IFT140: variants seen among roughly 807,000 people sequenced by gnomAD.
IFT140 encodes intraflagellar transport protein 140 homolog.
Under a neutral mutation model 164.6 loss-of-function variants are expected in IFT140, and 133 were observed. The ratio of observed to expected loss-of-function variants is 0.81; its 90% confidence interval spans 0.70 to 0.93. The LOEUF (loss-of-function observed/expected upper bound fraction) is 0.93, where lower values mean the gene tolerates loss of function less well. IFT140 is among the 40% of genes least tolerant of loss of function. The probability of loss-of-function intolerance (pLI) is 0.00; values close to 1 mark genes in which losing one functional copy is unlikely to be tolerated. For missense variants in IFT140, 2,045 were observed against 1,972.3 expected, an observed-to-expected ratio of 1.04 and a Z score of -0.70; for synonymous variants, 860 against 817.3, an observed-to-expected ratio of 1.05 and a Z score of -0.89.
chr16:1,517,350 CAAA>C (rs1331940278), intron 30 of IFT140, among the ~76,000 whole-genome samples: 3 of 60,156 alleles, frequency 5.0e-5, no homozygotes, highest in Non-Finnish European at 6.1e-5. Context: ...ACTCCGTCTC[CAAA>C]AAAAAAAAAA....
At position 1,523,809 on chromosome 16, in the gene IFT140, A is replaced by G. The variant is rs2745176; in HGVS notation, c.3270+19T>C. 1,541,485 of 1,610,754 alleles carry G rather than the reference A, an allele frequency of 0.96. 737,835 individuals carry two copies. The highest frequency in any genetic ancestry group is 1 in the East Asian group (44,842 of 44,846). ...CTTGCTGCCCCTCCCCCAGGTCCCCACCGGTGGCCAGCCCTCACCTTGTGG... is the reference window on the plus strand; with the variant it reads ...CTTGCTGCCCCTCCCCCAGGTCCCCGCCGGTGGCCAGCCCTCACCTTGTGG... On this transcript the variant is annotated intron_variant, in intron 25 of 30. Coordinates refer to ENST00000426508, the MANE Select transcript of IFT140 (RefSeq NM_014714.4).
At chr16:1,587,106 T>C (rs1484616847) in intron 9 of IFT140, 92 bp downstream of exon 9, 3 of 812,374 alleles carry the variant, frequency 3.7e-6, no homozygotes, top group Non-Finnish European at 6.4e-6. Context: ...ATTGTGTGAG[T>C]AGCCTCCACG....
intron 19 of IFT140, among the ~76,000 whole-genome samples, chr16:1,527,575 GT>G (rs1443915675): frequency 1.3e-5 from 2 of 152,138 alleles, no homozygotes; most frequent in East Asian, 1.9e-4. Context: ...GCCTCTTAGG[GT>G]TTTTTTGTTG....
At chr16:1,544,745 T>C (rs2032004345) in intron 19 of IFT140, among the ~76,000 whole-genome samples, 2 of 151,740 alleles carry the variant, frequency 1.3e-5, no homozygotes, top group South Asian at 4.2e-4. Context: ...GCCTCCCGGG[T>C]TCACGCCATT....
In IFT140 at chr16:1,553,759, C is replaced by CA. The variant is rs1198753310; in HGVS notation, c.2399+4175dup. 9 of 1,170,998 alleles carry CA rather than the reference C, an allele frequency of 7.7e-6. No homozygotes were observed. Among genetic ancestry groups the CA allele is most frequent in the Non-Finnish European group, 9.7e-6 (9 of 932,228 alleles). 72.5% of individuals were successfully genotyped at this position (1,170,998 alleles called of 1,614,324 possible). On this transcript the variant is annotated intron_variant, in intron 19 of 30. Coordinates refer to ENST00000426508, the MANE Select transcript of IFT140 (RefSeq NM_014714.4). This position sits in a 1 kb window ranked among gnomAD's most constrained non-coding sequence, Gnocchi z 4.4. ...CATGGCTGTAGGGGATGAGGAGGGG[C>CA]AGGGCCATGTGGACAGCCTCTCCTC... is the stretch of plus-strand genomic sequence containing the variant.
In IFT140 at chr16:1,587,229, A is replaced by T. The variant is rs1333886853; in HGVS notation, c.978T>A (p.Asn326Lys). 1 of 1,611,688 alleles carries T rather than the reference A, an allele frequency of 6.2e-7. No individual in the cohort carries two copies. The highest frequency in any genetic ancestry group is 8.5e-7 in the Non-Finnish European group (1 of 1,177,790). The part of the protein sequence containing the change: ...DEKFGFEKGE[N>K]MNCVCYCKVK... ...CTTTACAGTAACACACACAGTTCATATTCTCTCCTTTCTCAAAGCCAAACT... is the reference window on the plus strand; with the variant it reads ...CTTTACAGTAACACACACAGTTCATTTTCTCTCCTTTCTCAAAGCCAAACT... Residue 326 changes from asparagine (N) to lysine (K), a missense_variant, in exon 9 of 31, where the codon AAT (asparagine) becomes AAA (lysine). Transcript: ENST00000426508.
At chr16:1,554,018 C>T in intron 19 of IFT140, 1 of 1,287,248 alleles carries the variant, frequency 7.8e-7, no homozygotes, top group Non-Finnish European at 1.0e-6. Flanking sequence ...CACGGCCCAC[C>T]TCTCCTTCTC....
rs532096063 is a variant in IFT140, at chr16:1,513,906, C to G, written c.4183-2756G>C. ...GCCAAGATGGTCTCCATCTCCTGAC[C>G]TCATGATCTGCCCGCCTTGGCCTCC... On this transcript the variant is annotated intron_variant, in intron 30 of 30. Coordinates refer to ENST00000426508, the MANE Select transcript of IFT140 (RefSeq NM_014714.4). Among the ~76,000 whole-genome samples, 57 of 146,530 alleles carry G rather than the reference C, an allele frequency of 3.9e-4. 1 individual carries two copies. The highest frequency in any genetic ancestry group is 1.4e-3 in the African/African-American group (55 of 39,130).
At chr16:1,568,439 G>A (rs1054703647) in intron 14 of IFT140, 105 bp from the exon 15 acceptor site, 10 of 921,166 alleles carry the variant, frequency 1.1e-5, no homozygotes, top group Non-Finnish European at 1.7e-5. Flanking sequence ...ACAGCTCTTA[G>A]GCTGCTTCTC....
intron 19 of IFT140, among the ~76,000 whole-genome samples, chr16:1,528,132 G>A (rs981789886): frequency 2.0e-5 from 3 of 152,112 alleles, no homozygotes; most frequent in Non-Finnish European, 4.4e-5. Context: ...CCTTGGGGCC[G>A]GGCTGGCCTG....
intron 19 of IFT140, among the ~76,000 whole-genome samples, chr16:1,544,712 G>C (rs1439170534): frequency 6.6e-6 from 1 of 150,586 alleles, no homozygotes; most frequent in Non-Finnish European, 1.5e-5. Context: ...GCAGTGGCGC[G>C]ATCTCGGCTC....
At chr16:1,520,868 C>T (rs911935215) in intron 26 of IFT140, 60 bp from the exon 27 acceptor site, 1 of 1,482,654 alleles carries the variant, frequency 6.7e-7, no homozygotes, top group South Asian at 1.2e-5. Flanking sequence ...AAGTGCGCCC[C>T]TCATCTGCCA....
chr16:1,520,530 G>C, intron 27 of IFT140, 72 bp downstream of exon 27: 1 of 1,462,542 alleles, frequency 6.8e-7, no homozygotes, highest in South Asian at 1.3e-5. Context: ...AAGGCAAATG[G>C]AGATGCGTGC....
At position 1,533,872 on chromosome 16, in the gene IFT140, G is replaced by A; in HGVS notation, c.2400-7076C>T. On this transcript the variant is annotated intron_variant, in intron 19 of 30. Coordinates refer to ENST00000426508, the MANE Select transcript of IFT140 (RefSeq NM_014714.4). The surrounding 1 kb of genome is among the most constrained non-coding windows in gnomAD (Gnocchi z 4.7). ...ACAGCAGGCCGGTGCTAAGGAGTGT[G>A]GCGCGGGCTCGACTCCCACTGCTGC... is the stretch of plus-strand genomic sequence containing the variant. 1 of 277,074 alleles carries A rather than the reference G, an allele frequency of 3.6e-6. No homozygotes were observed. The highest frequency in any genetic ancestry group is 3.6e-5 in the South Asian group (1 of 27,772). 17.2% of individuals were successfully genotyped at this position (277,074 alleles called of 1,614,324 possible). A position where few individuals can be genotyped will look rare whatever the true frequency, so the allele number is the denominator to read the frequency against.
Position 1,510,949 on chromosome 16 carries a change from G to T in IFT140, c.4384C>A (p.Pro1462Thr), listed in dbSNP as rs1567312681. 2 of 1,611,076 alleles carry T rather than the reference G, an allele frequency of 1.2e-6. No individual in the cohort carries two copies. Among genetic ancestry groups the T allele is most frequent in the Admixed American group, 3.3e-5 (2 of 59,848 alleles). ...GGTCCTGGGGCCCAGGCCCCTCAGG[G>T]GTCGTCATCTGCCTCTTCCACCACC... Reference protein sequence around the residue: ...EEVVEEADDDP With the variant: ...EEVVEEADDDT The change falls in exon 31 of 31, where the codon CCC becomes ACC. Residue 1462 changes from proline (P) to threonine (T), a missense_variant. Pro to Thr is a conservative substitution (Grantham distance 38, BLOSUM62 -1). Coordinates refer to ENST00000426508, the MANE Select transcript of IFT140 (RefSeq NM_014714.4).
chr16:1,538,007 G>T (rs1471997864), intron 19 of IFT140, among the ~76,000 whole-genome samples: 1 of 152,230 alleles, frequency 6.6e-6, no homozygotes, highest in Non-Finnish European at 1.5e-5. Context: ...AAAGTCAGCT[G>T]CTACCACGCA....
At chr16:1,600,270 T>C (rs1419632090) in intron 4 of IFT140, among the ~76,000 whole-genome samples, 1 of 143,050 alleles carries the variant, frequency 7.0e-6, no homozygotes, top group Non-Finnish European at 1.5e-5. Context: ...TCGTTAAGAG[T>C]CATCACCAAT....
intron 19 of IFT140, chr16:1,534,297 G>T: frequency 6.2e-7 from 1 of 1,612,404 alleles, no homozygotes; most frequent in Middle Eastern, 1.7e-4. Context: ...GAGACTCGTG[G>T]CCGCGGCCGT....
Position 1,564,149 on chromosome 16 carries a change from CA to C in IFT140, c.1914del (p.Phe638LeufsTer6). ...ACATAATTTTTCAGTCCCTCATCCA[CA>C]AAGAGGTGGCTCCTAAAAGACAAAG... ...NEQETNKSHL[F>X]VDEGLKNYVP... On this transcript the variant is annotated frameshift_variant, in exon 17 of 31. Coordinates refer to ENST00000426508, the MANE Select transcript of IFT140 (RefSeq NM_014714.4). LOFTEE classifies it high-confidence loss of function. This position sits in a 1 kb window ranked among gnomAD's most constrained non-coding sequence, Gnocchi z 5.5. The C allele has an allele frequency of 6.3e-7, 1 of 1,576,450 alleles. No homozygotes were observed. The highest frequency in any genetic ancestry group is 1.1e-5 in the South Asian group (1 of 88,284).
Sources: gnomAD v4.1 joint callset for allele counts (sites outside exome capture counted in the v4.1 genomes callset) on GRCh38, gnomAD v4.1.1 for gene constraint, Gnocchi (gnomAD v3.1) non-coding constraint, MANE v1.5 for transcripts, NCBI Gene and HGNC (gene_info 2026-07-23, HGNC 2026-07-21) for gene names.